POLM: variants seen among roughly 807,000 people sequenced by gnomAD.
The protein encoded by POLM is DNA polymerase mu, also known as DNA-directed DNA/RNA polymerase mu.
A neutral mutation model predicts 56.7 loss-of-function variants in POLM; 52 were observed. That is an observed-to-expected ratio of 0.92 (90% CI 0.73 to 1.15). POLM has a LOEUF of 1.15. Ranked by LOEUF, POLM falls within the 50% of genes most tolerant of loss-of-function variation. The pLI is 0.00. For missense variants in POLM, 660 were observed against 663.6 expected (o/e 0.99, Z 0.06); for synonymous variants, 273 against 274.3 (o/e 1.00, Z 0.05).
At position 44,074,129 on chromosome 7, in the gene POLM, A is replaced by G. The variant is rs1350399135; in HGVS notation, c.1071+2T>C. ...GCTCTTGGGGAGCAGGGAGGCCCTC[A>G]CCTGGTCCTGCAGGCGGCACATCAC... On this transcript the variant is annotated splice_donor_variant, in intron 8 of 10. Coordinates refer to ENST00000242248, the MANE Select transcript of POLM (RefSeq NM_013284.4). LOFTEE classifies it high-confidence loss of function. The G allele has an allele frequency of 2.5e-6, 4 of 1,604,596 alleles. No individual in the cohort carries two copies. The highest frequency in any genetic ancestry group is 3.3e-4 in the Middle Eastern group (2 of 6,048).
rs1051845965 is a variant in POLM at position 44,073,926 on chromosome 7, T to G, written c.1171A>C (p.Ile391Leu). 1 of 1,614,136 alleles carries G rather than the reference T, an allele frequency of 6.2e-7. No homozygotes were observed. The highest frequency in any genetic ancestry group is 2.2e-5 in the East Asian group (1 of 44,860). The change falls in exon 9 of 11, where the codon ATT becomes CTT. Residue 391 changes from isoleucine (I) to leucine (L), a missense_variant. Transcript: ENST00000242248. ...CCTGGAGGTTGTGGTAGGCGGAAAA[T>G]GCAGAAACTTCTCTCAAAAGCGTCC... is the stretch of plus-strand genomic sequence containing the variant. ...HMDAFERSFC[I>L]FRLPQPPGAA...
intron 4 of POLM, 26 bp downstream of exon 4, chr7:44,079,540 CACTCA>C: frequency 8.6e-6 from 13 of 1,504,192 alleles, no homozygotes; most frequent in South Asian, 1.1e-5. Flanking sequence ...CCCACCCACC[CACTCA>C]CCCTGCTAGG....
rs890893279 is a variant in POLM, at chr7:44,079,559, G to C, written c.642+12C>G. The stretch of plus-strand genomic sequence containing the variant: ...CCCACCCACTCACCCTGCTAGGATG[G>C]TAAGCACCTACCTGGACAACCCTAG... On this transcript the variant is annotated intron_variant, in intron 4 of 10. Transcript: ENST00000242248. 6.2e-7 allele frequency: 1 copy of C among 1,611,900 alleles called. No homozygotes were observed. The highest frequency in any genetic ancestry group is 8.5e-7 in the Non-Finnish European group (1 of 1,178,842).
chr7:44,072,821 G>C lies in POLM; in HGVS notation c.*470C>G, dbSNP rs1486601106. 1 of 363,646 alleles carries C rather than the reference G, an allele frequency of 2.7e-6. No individual in the cohort carries two copies. The highest frequency in any genetic ancestry group is 2.1e-5 in the African/African-American group (1 of 48,400). The allele number at this position is 363,646 out of a possible 1,614,324, so 22.5% of individuals were successfully genotyped here. A position where few individuals can be genotyped will look rare whatever the true frequency, so the allele number is the denominator to read the frequency against. On this transcript the variant is annotated 3_prime_UTR_variant, in exon 11 of 11. Coordinates refer to ENST00000242248, the MANE Select transcript of POLM (RefSeq NM_013284.4). ...AGGCTCCTTGCTGGCACGAACCACA[G>C]CCTCCAGCTCATGGCTCTCAAATGC...
intron 6 of POLM, chr7:44,076,238 AG>A: frequency 2.6e-6 from 1 of 391,426 alleles, no homozygotes; most frequent in South Asian, 2.8e-5. Flanking sequence ...CCCAAGGCCC[AG>A]GCTGTCCCTG....
At position 44,078,752 on chromosome 7, in the gene POLM, G is replaced by A; in HGVS notation, c.702C>T (p.Tyr234=). ...EVERVRRSER[Y]QTMKLFTQIF... The stretch of plus-strand genomic sequence containing the variant: ...CTGCCCTGCGCACCTTCATGGTCTG[G>A]TACCTCTCTGAGCGCCGAACTCTCT... The change falls in exon 5 of 11, where the codon TAC becomes TAT. Residue 234 remains tyrosine, a synonymous_variant. Coordinates refer to ENST00000242248, the MANE Select transcript of POLM (RefSeq NM_013284.4). 6.2e-7 allele frequency: 1 copy of A among 1,613,936 alleles called. No individual in the cohort carries two copies. The highest frequency in any genetic ancestry group is 8.5e-7 in the Non-Finnish European group (1 of 1,179,882).
At position 44,073,290 on chromosome 7, in the gene POLM, C is replaced by A; in HGVS notation, c.*1G>T. The A allele has an allele frequency of 1.2e-6, 2 of 1,614,192 alleles. No homozygotes were observed. Among genetic ancestry groups the A allele is most frequent in the Non-Finnish European group, 1.7e-6 (2 of 1,180,020 alleles). ...AGTGGAAGTGGGGGACACAGGCAGG[C>A]TCAGGCGTTTCTCTGCTCTGGAGGA... is the stretch of plus-strand genomic sequence containing the variant. On this transcript the variant is annotated 3_prime_UTR_variant, in exon 11 of 11. Coordinates refer to ENST00000242248, the MANE Select transcript of POLM (RefSeq NM_013284.4).
Position 44,074,449 on chromosome 7 carries a change from A to G in POLM, c.917T>C (p.Val306Ala). 1 of 1,578,422 alleles carries G rather than the reference A, an allele frequency of 6.3e-7. No homozygotes were observed. The highest frequency in any genetic ancestry group is 8.6e-7 in the Non-Finnish European group (1 of 1,162,378). Residue 306 changes from valine (V) to alanine (A), a missense_variant, in exon 7 of 11, where the codon GTG becomes GCG. Val to Ala is a moderately conservative substitution (Grantham distance 64). Coordinates refer to ENST00000242248, the MANE Select transcript of POLM (RefSeq NM_013284.4). The stretch of plus-strand genomic sequence containing the variant: ...GGTGGCCCCAGGCAGGGCCTGCCCC[A>G]CAGCTTCCTCCACCACCTGCTGCAG... ...DALQQVVEEA[V>A]GQALPGATVT...
Position 44,082,248 on chromosome 7 carries a change from CACCTGCAGGCGTCAAGG to C in POLM, c.174_188+2del. ...GCCCTCGCCGCGCCGCGCCGCCCCG[CACCTGCAGGCGTCAAGG>C]ACGCGGAAGCCTTTGGAGCGCGCCA... On this transcript the variant is annotated splice_donor_variant and coding_sequence_variant, in exon 1 of 11. Transcript: ENST00000242248. LOFTEE classifies it high-confidence loss of function. 1 of 1,464,458 alleles carries C rather than the reference CACCTGCAGGCGTCAAGG, an allele frequency of 6.8e-7. No homozygotes were observed. The allele number at this position is 1,464,458 out of a possible 1,614,324, so 90.7% of individuals were successfully genotyped here. A position where few individuals can be genotyped will look rare whatever the true frequency, so the allele number is the denominator to read the frequency against.
chr7:44,073,305 G>A lies in POLM; in HGVS notation c.1471C>T (p.Gln491Ter), dbSNP rs200216426. 5 of 1,614,204 alleles carry A rather than the reference G, an allele frequency of 3.1e-6. No homozygotes were observed. In the Admixed American group the frequency reaches 6.7e-5, roughly 22 times the overall value. Residue 491 changes from glutamine to a stop codon, truncating the protein, a stop_gained, in exon 11 of 11, where the codon CAG becomes TAG. Coordinates refer to ENST00000242248, the MANE Select transcript of POLM (RefSeq NM_013284.4). LOFTEE classifies it high-confidence loss of function. ...HLGLEYLPPE[Q>*]RNA ...CACAGGCAGGCTCAGGCGTTTCTCTGCTCTGGAGGAAGGTACTCAAGGCCC... is the reference window on the plus strand; with the variant it reads ...CACAGGCAGGCTCAGGCGTTTCTCTACTCTGGAGGAAGGTACTCAAGGCCC...
At position 44,073,141 on chromosome 7, in the gene POLM, T is replaced by G. The variant is rs746435243; in HGVS notation, c.*150A>C. The G allele has an allele frequency of 3.3e-6, 5 of 1,519,196 alleles. No homozygotes were observed. The highest frequency in any genetic ancestry group is 4.4e-6 in the Non-Finnish European group (5 of 1,133,040). 94.1% of individuals were successfully genotyped at this position (1,519,196 alleles called of 1,614,324 possible). ...ACACCAGCAGGGGCTCAACTGATCC[T>G]GCAGGCACAATTGACCTCCGGAAGA... On this transcript the variant is annotated 3_prime_UTR_variant, in exon 11 of 11. Transcript: ENST00000242248.
rs1457077246 is a variant in POLM at position 44,073,173 on chromosome 7, C to T, written c.*118G>A. 1 of 1,570,932 alleles carries T rather than the reference C, an allele frequency of 6.4e-7. No individual in the cohort carries two copies. Among genetic ancestry groups the T allele is most frequent in the South Asian group, 1.2e-5 (1 of 86,184 alleles). On this transcript the variant is annotated 3_prime_UTR_variant, in exon 11 of 11. Transcript: ENST00000242248. ...ACAATTGACCTCCGGAAGAGCCAGG[C>T]CTTGGCGGGGAGGGGTGAAGGTGGG... is the stretch of plus-strand genomic sequence containing the variant.
At position 44,082,472 on chromosome 7, in the gene POLM, G is replaced by C. The variant is rs2096203197; in HGVS notation, c.-34C>G. On this transcript the variant is annotated 5_prime_UTR_variant, in exon 1 of 11. Transcript: ENST00000242248. ...CAGCCTCCAGCAGCGCGGAGCGAAC[G>C]CAGAGGGAAACTCCGAGCGAGACGG... 1 of 1,107,972 alleles carries C rather than the reference G, an allele frequency of 9.0e-7. No homozygotes were observed. Among genetic ancestry groups the C allele is most frequent in the African/African-American group, 1.7e-5 (1 of 57,924 alleles). The allele number at this position is 1,107,972 out of a possible 1,614,324, so 68.6% of individuals were successfully genotyped here. A position where few individuals can be genotyped will look rare whatever the true frequency, so the allele number is the denominator to read the frequency against.
chr7:44,076,894 T>C (rs1231808538), intron 5 of POLM: 1 of 416,548 alleles, frequency 2.4e-6, no homozygotes, highest in African/African-American at 2.0e-5. Flanking sequence ...GATTCCAACA[T>C]AATCAAAACA....
intron 4 of POLM, 99 bp downstream of exon 4, chr7:44,079,472 G>T: frequency 1.7e-6 from 2 of 1,158,926 alleles, no homozygotes; most frequent in African/African-American, 1.5e-5. Flanking sequence ...ACCCACGACT[G>T]TCTGTCCTCA....
chr7:44,082,054 T>G (rs918058307), intron 1 of POLM, among the ~76,000 whole-genome samples, 197 bp downstream of exon 1: 1 of 152,166 alleles, frequency 6.6e-6, no homozygotes, highest in African/African-American at 2.4e-5. Context: ...CTACTGCTTA[T>G]TAATTACCCC....
intron 2 of POLM, among the ~76,000 whole-genome samples, 165 bp from the exon 3 acceptor site, chr7:44,080,124 C>A (rs978915609): frequency 1.2e-4 from 19 of 152,308 alleles, no homozygotes; most frequent in African/African-American, 4.6e-4. Flanking sequence ...GAGGGAGGCA[C>A]CGCCCTGCAG....
At chr7:44,079,164 T>C (rs28382640) in intron 4 of POLM, among the ~76,000 whole-genome samples, 2,553 of 152,296 alleles carry the variant, frequency 0.017, 65 homozygotes, top group African/African-American at 0.051. Context: ...TCAATACTAC[T>C]TCATTTAAAA....
intron 3 of POLM, 32 bp from the exon 4 acceptor site, chr7:44,079,773 G>C (rs769158245): frequency 6.2e-7 from 1 of 1,610,910 alleles, no homozygotes; most frequent in South Asian, 1.1e-5. Flanking sequence ...AAGGGGCAGG[G>C]TGGGCAGCTC....
Sources: allele counts gnomAD v4.1 joint callset (sites outside exome capture counted in the v4.1 genomes callset), GRCh38; gene constraint gnomAD v4.1.1; transcripts MANE v1.5; gene names NCBI Gene and HGNC (gene_info 2026-07-23, HGNC 2026-07-21).